Variants in METTL4 observed in about 807,000 individuals in gnomAD.
The protein encoded by METTL4 is methyltransferase 4, N6-adenosine.
Under a neutral mutation model 54.0 loss-of-function variants are expected in METTL4, and 40 were observed. That is an observed-to-expected ratio of 0.74 (90% CI 0.58 to 0.96). The LOEUF (loss-of-function observed/expected upper bound fraction) is 0.96. Ranked by LOEUF, METTL4 falls within the 50% of genes least tolerant of loss-of-function variation. The pLI, the probability that METTL4 is intolerant of heterozygous loss-of-function variation, is 0.00. For missense variants in METTL4, 525 were observed against 549.0 expected (o/e 0.96, Z 0.44); for synonymous variants, 169 against 183.8 (o/e 0.92, Z 0.65).
chr18:2,552,678 C>T lies in METTL4; in HGVS notation c.899+17G>A. 1 of 1,580,584 alleles carries T rather than the reference C, an allele frequency of 6.3e-7. No homozygotes were observed. Among genetic ancestry groups the T allele is most frequent in the Non-Finnish European group, 8.7e-7 (1 of 1,153,776 alleles). On this transcript the variant is annotated intron_variant, in intron 5 of 8. Coordinates refer to ENST00000574538, the MANE Select transcript of METTL4 (RefSeq NM_022840.5). ...CTACAGTTTTTTTAGAAAGCAAATG[C>T]TTTCATTTCCACTTACCTATTACTT... is the stretch of plus-strand genomic sequence containing the variant.
chr18:2,554,852 G>GT lies in METTL4; in HGVS notation c.645dup (p.His216ThrfsTer24), dbSNP rs1229085041. 1.9e-6 allele frequency: 3 copies of GT among 1,613,812 alleles called. No homozygotes were observed. Among genetic ancestry groups the GT allele is most frequent in the Non-Finnish European group, 2.5e-6 (3 of 1,179,774 alleles). ...TCTTCCACCAATTGTAATGTCTGAT[G>GT]TTCCATTTCATTCAGAGAAGGCAAA... On this transcript the variant is annotated frameshift_variant, in exon 4 of 9. Transcript: ENST00000574538. LOFTEE classifies it high-confidence loss of function.
At position 2,537,612 on chromosome 18, in the gene METTL4, C is replaced by T; in HGVS notation, c.*1388G>A. The T allele has an allele frequency of 3.0e-6, 1 of 335,970 alleles. No individual in the cohort carries two copies. The highest frequency in any genetic ancestry group is 5.3e-6 in the Non-Finnish European group (1 of 187,880). The allele number at this position is 335,970 out of a possible 1,614,324, so 20.8% of individuals were successfully genotyped here. ...TAGCTCCATAAATACAAAATTAAGC[C>T]TCTGATACTATACTCACACACTCAA... On this transcript the variant is annotated 3_prime_UTR_variant, in exon 9 of 9. Coordinates refer to ENST00000574538, the MANE Select transcript of METTL4 (RefSeq NM_022840.5).
chr18:2,560,502 T>C (rs942488744), intron 3 of METTL4, among the ~76,000 whole-genome samples: 1 of 152,172 alleles, frequency 6.6e-6, no homozygotes, highest in Non-Finnish European at 1.5e-5. Context: ...TATTTACATA[T>C]ATAATTATAT....
Position 2,563,720 on chromosome 18 carries a change from CTTAT to C in METTL4, c.459+73_459+76del. 3.0e-6 allele frequency: 3 copies of C among 1,011,830 alleles called. No homozygotes were observed. The South Asian group carries it at 4.8e-5, about 16-fold the overall frequency. The allele number at this position is 1,011,830 out of a possible 1,614,324, so 62.7% of individuals were successfully genotyped here. A position where few individuals can be genotyped will look rare whatever the true frequency, so the allele number is the denominator to read the frequency against. On this transcript the variant is annotated intron_variant, in intron 3 of 8. Coordinates refer to ENST00000574538, the MANE Select transcript of METTL4 (RefSeq NM_022840.5). ...GATTGCTTGATTTTGAAAAAAAATC[CTTAT>C]TTATGTTGTCCATTTATTTTCTACT...
intron 3 of METTL4, chr18:2,561,605 G>A (rs2072318798): frequency 6.6e-6 from 1 of 152,158 alleles, no homozygotes; most frequent in Non-Finnish European, 1.5e-5. Flanking sequence ...TTAAAAAGAG[G>A]AGTGATGAGA....
intron 5 of METTL4, among the ~76,000 whole-genome samples, chr18:2,548,626 GC>G (rs879790457): frequency 2.0e-5 from 3 of 152,104 alleles, no homozygotes; most frequent in Non-Finnish European, 4.4e-5. Context: ...CCACTCCAAT[GC>G]CATAACCTGG....
At chr18:2,561,282 G>A (rs1200825839) in intron 3 of METTL4, 1 of 152,110 alleles carries the variant, frequency 6.6e-6, no homozygotes, top group Non-Finnish European at 1.5e-5. Context: ...AAAGGTATAA[G>A]TAAAATTACT....
chr18:2,543,303 T>C (rs778707923), intron 8 of METTL4, among the ~76,000 whole-genome samples: 5 of 152,154 alleles, frequency 3.3e-5, no homozygotes, highest in Non-Finnish European at 5.9e-5. Context: ...TGGTAACTTG[T>C]AGCAGTTTTT....
At chr18:2,560,726 A>T (rs1446927954) in intron 3 of METTL4, among the ~76,000 whole-genome samples, 1 of 152,116 alleles carries the variant, frequency 6.6e-6, no homozygotes, top group Non-Finnish European at 1.5e-5. Flanking sequence ...AAAAATACAA[A>T]AAATTAGCTG....
rs954840471 is a variant in METTL4, at chr18:2,538,017, A to C, written c.*983T>G. The C allele has an allele frequency of 2.0e-5, 8 of 398,306 alleles. No homozygotes were observed. The highest frequency in any genetic ancestry group is 3.5e-5 in the Non-Finnish European group (8 of 225,852). The allele number at this position is 398,306 out of a possible 1,614,324, so 24.7% of individuals were successfully genotyped here. On this transcript the variant is annotated 3_prime_UTR_variant, in exon 9 of 9. Coordinates refer to ENST00000574538, the MANE Select transcript of METTL4 (RefSeq NM_022840.5). ...CAGACAACTGTATATATGTTTTCAA[A>C]ATTCACTGAATTTGACACTGAAAAT...
intron 4 of METTL4, chr18:2,554,174 A>T (rs985389774): frequency 2.0e-5 from 3 of 152,576 alleles, no homozygotes; most frequent in African/African-American, 7.2e-5. Flanking sequence ...TAAGCTTCAG[A>T]ATCTAAAGTC....
At chr18:2,566,454 A>T (rs1294178769) in intron 2 of METTL4, among the ~76,000 whole-genome samples, 2 of 152,142 alleles carry the variant, frequency 1.3e-5, no homozygotes, top group Non-Finnish European at 2.9e-5. Flanking sequence ...CTTTTTTTTT[A>T]AAGCAAAAAC....
At chr18:2,565,010 G>A (rs2072382144) in intron 2 of METTL4, among the ~76,000 whole-genome samples, 1 of 152,114 alleles carries the variant, frequency 6.6e-6, no homozygotes, top group African/African-American at 2.4e-5. Flanking sequence ...AAAGGGGACT[G>A]GGCATGGTGG....
chr18:2,541,735 C>G (rs1039460326), intron 8 of METTL4, among the ~76,000 whole-genome samples: 2 of 75,578 alleles, frequency 2.6e-5, no homozygotes, highest in African/African-American at 9.0e-5. Flanking sequence ...CAGAAATAAC[C>G]AATTAAACTT....
chr18:2,571,333 G>A lies in METTL4; in HGVS notation c.-623C>T, dbSNP rs1433106270. On this transcript the variant is annotated 5_prime_UTR_variant, in exon 1 of 9. Coordinates refer to ENST00000574538, the MANE Select transcript of METTL4 (RefSeq NM_022840.5). ...GAAAAACGTTTCCAGGGCGAGTTGA[G>A]CGTTCAGGGCACTCCTCGGCGCTCA... The A allele has an allele frequency of 6.6e-6, 1 of 152,270 alleles. No individual in the cohort carries two copies. Among genetic ancestry groups the A allele is most frequent in the Non-Finnish European group, 1.5e-5 (1 of 68,066 alleles). 9.4% of individuals were successfully genotyped at this position (152,270 alleles called of 1,614,324 possible).
rs759382887 is a variant in METTL4, at chr18:2,544,285, T to G, written c.1183A>C (p.Asn395His). 5 of 1,608,590 alleles carry G rather than the reference T, an allele frequency of 3.1e-6. No homozygotes were observed. In the South Asian group the frequency reaches 5.5e-5, roughly 18 times the overall value. Residue 395 changes from asparagine to histidine, a missense_variant and splice_region_variant, in exon 8 of 9, where the codon AAT becomes CAT. Physicochemically the swap from Asn to His is moderately conservative, Grantham distance 68. Coordinates refer to ENST00000574538, the MANE Select transcript of METTL4 (RefSeq NM_022840.5). ...VQEKTALPLR[N>H]ADVNVLPIPD... is the part of the protein sequence containing the mutation. ...ATGGGGAGCACGTTTACATCTGCAT[T>G]CCTAATTAAACAGAACAAGAAAGTA...
intron 2 of METTL4, among the ~76,000 whole-genome samples, chr18:2,566,517 G>T (rs1468910883): frequency 6.6e-6 from 1 of 152,006 alleles, no homozygotes; most frequent in Non-Finnish European, 1.5e-5. Context: ...AAGGGTTTTG[G>T]GGGAGTTTTT....
intron 6 of METTL4, among the ~76,000 whole-genome samples, chr18:2,546,657 G>A (rs180931532): frequency 3.3e-5 from 5 of 152,194 alleles, no homozygotes; most frequent in East Asian, 1.9e-4. Flanking sequence ...TTAGAAAGGC[G>A]TTTATAGAAA....
chr18:2,555,327 A>G (rs2072223749), intron 3 of METTL4: 1 of 347,400 alleles, frequency 2.9e-6, no homozygotes, highest in Admixed American at 4.7e-5. Flanking sequence ...GAATGTTTCT[A>G]GAAGAAAATG....
Sources: gnomAD v4.1 joint callset for allele counts (sites outside exome capture counted in the v4.1 genomes callset) on GRCh38, gnomAD v4.1.1 for gene constraint, MANE v1.5 for transcripts, NCBI Gene and HGNC (gene_info 2026-07-23, HGNC 2026-07-21) for gene names.